CPOX: variants seen among roughly 807,000 people sequenced by gnomAD.
CPOX encodes coproporphyrinogen oxidase, also known as oxygen-dependent coproporphyrinogen-III oxidase, mitochondrial.
CPOX carries 24 observed loss-of-function variants against 48.9 expected under a neutral mutation model. The ratio of observed to expected loss-of-function variants is 0.49; its 90% CI spans 0.36 to 0.69. CPOX has a LOEUF of 0.69. Ranked by LOEUF, CPOX falls within the 30% of genes least tolerant of loss-of-function variation. The pLI, the probability that CPOX is intolerant of heterozygous loss-of-function variation, is 0.00. For synonymous variants in CPOX, 249 were observed against 234.6 expected, an observed-to-expected ratio of 1.06 and a Z score of -0.56; for missense variants, 549 against 597.3, an observed-to-expected ratio of 0.92 and a Z score of 0.84.
At position 98,593,524 on chromosome 3, in the gene CPOX, G is replaced by A. The variant is rs1190140603; in HGVS notation, c.-20C>T. The A allele has an allele frequency of 3.3e-6, 5 of 1,518,192 alleles. No individual in the cohort carries two copies. Among genetic ancestry groups the A allele is most frequent in the Non-Finnish European group, 4.4e-6 (5 of 1,139,182 alleles). 94.0% of individuals were successfully genotyped at this position (1,518,192 alleles called of 1,614,324 possible). ...GGCCATGTTCCCGCACTATCACCTG[G>A]AGCAGTGCCTGCGTCCCAGAGCCCT... On this transcript the variant is annotated 5_prime_UTR_variant, in exon 1 of 7. Transcript: ENST00000647941.
At chr3:98,583,904 G>C (rs1707307820) in intron 5 of CPOX, among the ~76,000 whole-genome samples, 1 of 152,184 alleles carries the variant, frequency 6.6e-6, no homozygotes, top group Non-Finnish European at 1.5e-5. Flanking sequence ...AAGGACCAGA[G>C]ATAAGGGAGG....
At chr3:98,592,869 C>CTATT in intron 1 of CPOX, 80 bp downstream of exon 1, 1 of 1,457,020 alleles carries the variant, frequency 6.9e-7, no homozygotes, top group Non-Finnish European at 9.4e-7. Context: ...ATATTGTGAA[C>CTATT]TATTATATTT....
intron 1 of CPOX, among the ~76,000 whole-genome samples, chr3:98,591,454 T>A (rs1265280389): frequency 6.6e-6 from 1 of 152,246 alleles, no homozygotes; most frequent in African/African-American, 2.4e-5. Context: ...CAGAATGGCA[T>A]CTATCAGTTA....
the CPOX span, among the ~76,000 whole-genome samples, chr3:98,571,110 T>C: frequency 6.6e-6 from 1 of 152,202 alleles, no homozygotes; most frequent in Non-Finnish European, 1.5e-5. Flanking sequence ...TATTCTTCCA[T>C]TTATTAAACT....
At chr3:98,575,610 A>G (rs4857402), downstream of CPOX, among the ~76,000 whole-genome samples, 41,316 of 104,808 alleles carry the variant, frequency 0.39, 13,054 homozygotes, top group Middle Eastern at 0.55. Context: ...TGGCCAACAT[A>G]GTGAAACCTT....
At chr3:98,581,705 A>G (rs1158362930) in intron 5 of CPOX, among the ~76,000 whole-genome samples, 194 bp from the exon 6 acceptor site, 1 of 152,232 alleles carries the variant, frequency 6.6e-6, no homozygotes, top group Non-Finnish European at 1.5e-5. Flanking sequence ...TATTCTACCC[A>G]CCAAACAATA....
chr3:98,589,090 C>T (rs1707424343), intron 3 of CPOX, among the ~76,000 whole-genome samples: 1 of 152,166 alleles, frequency 6.6e-6, no homozygotes, highest in Admixed American at 6.5e-5. Context: ...GAGGCCCAGG[C>T]AGGCAGATCG....
At chr3:98,578,523 A>G (rs1243730670), downstream of CPOX, among the ~76,000 whole-genome samples, 1 of 152,230 alleles carries the variant, frequency 6.6e-6, no homozygotes, top group East Asian at 1.9e-4. Flanking sequence ...ATAAATGTAT[A>G]TACAGTCTAG....
At chr3:98,581,367 G>C (rs1165206168) in intron 6 of CPOX, 40 bp downstream of exon 6, 2 of 1,376,764 alleles carry the variant, frequency 1.5e-6, no homozygotes, top group South Asian at 2.3e-5. Flanking sequence ...TTGGGAATTG[G>C]GAGTGTAGGG....
At chr3:98,591,964 T>C (rs1260486768) in intron 1 of CPOX, among the ~76,000 whole-genome samples, 2 of 66,572 alleles carry the variant, frequency 3.0e-5, no homozygotes, top group African/African-American at 1.4e-4. Context: ...ATATATTCCA[T>C]CCATATATAT....
At position 98,590,548 on chromosome 3, in the gene CPOX, C is replaced by T. The variant is rs779815438; in HGVS notation, c.811+84G>A. The T allele has an allele frequency of 6.2e-5, 61 of 978,178 alleles. No homozygotes were observed. In the East Asian group the frequency reaches 1.1e-3, roughly 18 times the overall value. The allele number at this position is 978,178 out of a possible 1,614,324, so 60.6% of individuals were successfully genotyped here. ...AGACCTAATTAAGACTATTCTTTCTCGCTTTTAGATGTTATGCCCTCTTAT... is the reference window on the plus strand; with the variant it reads ...AGACCTAATTAAGACTATTCTTTCTTGCTTTTAGATGTTATGCCCTCTTAT... On this transcript the variant is annotated intron_variant, in intron 3 of 6. Coordinates refer to ENST00000647941, the MANE Select transcript of CPOX (RefSeq NM_000097.7).
Position 98,593,554 on chromosome 3 carries a change from T to C in CPOX, c.-50A>G. The stretch of plus-strand genomic sequence containing the variant: ...GTGCCTGCGTCCCAGAGCCCTGCGT[T>C]TGAGCCCCCCACCCAGACCCCCGGA... On this transcript the variant is annotated 5_prime_UTR_variant, in exon 1 of 7. Transcript: ENST00000647941. The C allele has an allele frequency of 6.7e-7, 1 of 1,493,390 alleles. No individual in the cohort carries two copies. The highest frequency in any genetic ancestry group is 1.2e-5 in the South Asian group (1 of 80,616). The allele number at this position is 1,493,390 out of a possible 1,614,324, so 92.5% of individuals were successfully genotyped here.
chr3:98,582,305 G>C (rs934233167), intron 5 of CPOX, among the ~76,000 whole-genome samples: 1 of 152,012 alleles, frequency 6.6e-6, no homozygotes, highest in African/African-American at 2.4e-5. Context: ...CTACTCAAAA[G>C]AATTTAGACT....
downstream of CPOX, among the ~76,000 whole-genome samples, chr3:98,575,310 G>A (rs1400902572): frequency 6.6e-6 from 1 of 152,178 alleles, no homozygotes; most frequent in Non-Finnish European, 1.5e-5. Flanking sequence ...AACCATGATG[G>A]CTTGGATTAT....
Position 98,591,001 on chromosome 3 carries a change from G to A in CPOX, c.700+11C>T. On this transcript the variant is annotated intron_variant, in intron 2 of 6. Coordinates refer to ENST00000647941, the MANE Select transcript of CPOX (RefSeq NM_000097.7). ...GGGACTATTAGAGACTATCAAGACTGTCTGATTTACCATCTTTAGTCTTCA... is the reference window on the plus strand; with the variant it reads ...GGGACTATTAGAGACTATCAAGACTATCTGATTTACCATCTTTAGTCTTCA... 6.2e-7 allele frequency: 1 copy of A among 1,613,846 alleles called. No homozygotes were observed. The highest frequency in any genetic ancestry group is 8.5e-7 in the Non-Finnish European group (1 of 1,179,730).
At chr3:98,578,670 T>C (rs545733377), downstream of CPOX, among the ~76,000 whole-genome samples, 3 of 152,340 alleles carry the variant, frequency 2.0e-5, no homozygotes, top group African/African-American at 7.2e-5. Context: ...TTTTCTAGGT[T>C]TTCCTATAAT....
downstream of CPOX, among the ~76,000 whole-genome samples, chr3:98,578,765 T>A (rs962149683): frequency 1.3e-5 from 2 of 152,224 alleles, no homozygotes; most frequent in African/African-American, 4.8e-5. Flanking sequence ...TCATTAGCAA[T>A]AGTTATTCCT....
chr3:98,590,138 T>TTTTTG (rs543959899), intron 3 of CPOX, among the ~76,000 whole-genome samples: 101 of 152,276 alleles, frequency 6.6e-4, no homozygotes, highest in Admixed American at 2.4e-3. Flanking sequence ...AATACCATTC[T>TTTTTG]TTTTGTTTTG....
At chr3:98,573,702 C>T in the CPOX span, among the ~76,000 whole-genome samples, 2 of 152,170 alleles carry the variant, frequency 1.3e-5, no homozygotes, top group African/African-American at 4.8e-5. Flanking sequence ...ATAATTTTAT[C>T]ATCTAAATTT....
Sources: gnomAD v4.1 joint callset for allele counts (sites outside exome capture counted in the v4.1 genomes callset) on GRCh38, gnomAD v4.1.1 for gene constraint, MANE v1.5 for transcripts, NCBI Gene and HGNC (gene_info 2026-07-23, HGNC 2026-07-21) for gene names.